CNTNAP3: variants seen among roughly 807,000 people sequenced by gnomAD.
The protein encoded by CNTNAP3 is contactin associated protein family member 3, also known as contactin-associated protein-like 3.
A neutral mutation model predicts 92.1 loss-of-function variants in CNTNAP3; 36 were observed. The ratio of observed to expected loss-of-function variants is 0.39; its 90% CI spans 0.30 to 0.52. The LOEUF is 0.52. Among genes scored for constraint, CNTNAP3 ranks in the 20% least tolerant of loss-of-function variants. The pLI, the probability that CNTNAP3 is intolerant of heterozygous loss-of-function variation, is 0.76. For synonymous variants in CNTNAP3, 232 were observed against 422.3 expected, an observed-to-expected ratio of 0.55 and a Z score of 5.53; for missense variants, 534 against 1,069.6, an observed-to-expected ratio of 0.50 and a Z score of 6.98.
chr9:39,076,923 C>T (rs899535891), intron 23 of CNTNAP3, among the ~76,000 whole-genome samples: 26 of 152,404 alleles, frequency 1.7e-4, no homozygotes, highest in African/African-American at 6.3e-4. Context: ...CGCCACTGCA[C>T]TCCAGCCTTT....
At chr9:39,144,406 T>G in intron 10 of CNTNAP3, 60 bp from the exon 11 acceptor site, 1 of 1,510,606 alleles carries the variant, frequency 6.6e-7, no homozygotes, top group South Asian at 1.3e-5. Flanking sequence ...AATAAGTGTC[T>G]TACCAAAAAC....
chr9:39,127,469 A>T (rs1314066713), intron 13 of CNTNAP3, among the ~76,000 whole-genome samples: 1 of 152,152 alleles, frequency 6.6e-6, no homozygotes, highest in African/African-American at 2.4e-5. Flanking sequence ...TAATAGAGAA[A>T]ATCATGAATC....
intron 15 of CNTNAP3, among the ~76,000 whole-genome samples, chr9:39,106,234 A>T (rs1362022546): frequency 6.6e-6 from 1 of 152,186 alleles, no homozygotes; most frequent in African/African-American, 2.4e-5. Context: ...AAGGAAGAGG[A>T]ATCTACAAGT....
At chr9:39,120,635 A>T (rs1055449833) in intron 13 of CNTNAP3, among the ~76,000 whole-genome samples, 7 of 152,176 alleles carry the variant, frequency 4.6e-5, no homozygotes, top group South Asian at 2.1e-4. Flanking sequence ...GTGCCACTGC[A>T]CTCCAACCTG....
chr9:39,120,874 G>C (rs1157306653), intron 13 of CNTNAP3, among the ~76,000 whole-genome samples: 1 of 152,082 alleles, frequency 6.6e-6, no homozygotes, highest in Non-Finnish European at 1.5e-5. Flanking sequence ...ATCAATTTTT[G>C]AAATGACATA....
chr9:39,152,534 ATTAAG>A lies in CNTNAP3; in HGVS notation c.1478-2562_1478-2558del, dbSNP rs4062758. Among the ~76,000 whole-genome samples, 70 of 146,802 alleles carry A rather than the reference ATTAAG, an allele frequency of 4.8e-4. 4 individuals carry two copies. Among genetic ancestry groups the A allele is most frequent in the African/African-American group, 1.3e-3 (51 of 38,932 alleles). On this transcript the variant is annotated intron_variant, in intron 9 of 23. Coordinates refer to ENST00000297668, the MANE Select transcript of CNTNAP3 (RefSeq NM_033655.5). Reference sequence around the variant, plus strand: ...TCACTAATCATTAAGAAATAAACACATTAAGTTAAGAATTAAGAGGATTATTAATT... The same window carrying A: ...TCACTAATCATTAAGAAATAAACACATTAAGAATTAAGAGGATTATTAATT...
chr9:39,170,317 G>A (rs1822233635), intron 8 of CNTNAP3, among the ~76,000 whole-genome samples: 1 of 54,040 alleles, frequency 1.9e-5, no homozygotes. Flanking sequence ...AGTCACGTGT[G>A]CCTCTTACAG....
intron 3 of CNTNAP3, among the ~76,000 whole-genome samples, chr9:39,217,358 G>GCATATATA (rs1180122382): frequency 7.1e-4 from 3 of 4,242 alleles, no homozygotes; most frequent in African/African-American, 1.0e-3. Flanking sequence ...ATTTACATGA[G>GCATATATA]TATATATATA....
At chr9:39,133,471 T>A (rs1251973873) in intron 12 of CNTNAP3, among the ~76,000 whole-genome samples, 1 of 151,380 alleles carries the variant, frequency 6.6e-6, no homozygotes, top group Non-Finnish European at 1.5e-5. Context: ...TTTATCTTTT[T>A]AAACTCATCT....
chr9:39,088,185 C>T (rs1826107027), intron 19 of CNTNAP3, among the ~76,000 whole-genome samples: 1 of 151,876 alleles, frequency 6.6e-6, no homozygotes, highest in Admixed American at 6.6e-5. Flanking sequence ...AGAAATATAA[C>T]TGCATATCAA....
chr9:39,161,843 C>CAA (rs540267825), intron 9 of CNTNAP3, among the ~76,000 whole-genome samples: 99 of 38,324 alleles, frequency 2.6e-3, no homozygotes, highest in African/African-American at 0.012. Context: ...TCTAAAGTCT[C>CAA]AAAAAAAAAA....
chr9:39,162,897 G>A (rs1334279575), intron 9 of CNTNAP3, among the ~76,000 whole-genome samples: 7 of 135,800 alleles, frequency 5.2e-5, no homozygotes, highest in African/African-American at 1.7e-4. Flanking sequence ...GGAATAATCT[G>A]TACCCCAAGC....
rs151315592 is a variant in CNTNAP3 at position 39,140,639 on chromosome 9, C to G, written c.1757-1G>C. On this transcript the variant is annotated splice_acceptor_variant, in intron 11 of 23. Coordinates refer to ENST00000297668, the MANE Select transcript of CNTNAP3 (RefSeq NM_033655.5). LOFTEE classifies it high-confidence loss of function. Reference sequence around the variant, plus strand: ...GCTTCACAAGACTGCTCGTAGAGAGCTGTAGGAGAACACCAGCCATAAGAA... The same window carrying G: ...GCTTCACAAGACTGCTCGTAGAGAGGTGTAGGAGAACACCAGCCATAAGAA... 67 of 1,596,976 alleles carry G rather than the reference C, an allele frequency of 4.2e-5. No homozygotes were observed. The highest frequency in any genetic ancestry group is 5.3e-5 in the Non-Finnish European group (62 of 1,174,674).
intron 4 of CNTNAP3, among the ~76,000 whole-genome samples, chr9:39,179,286 T>TACACACACACAC (rs4057871): frequency 0.019 from 1,494 of 80,698 alleles, 72 homozygotes; most frequent in East Asian, 0.044. Context: ...TCTCTCTCTC[T>TACACACACACAC]ACACACACAC....
At chr9:39,135,813 CT>C (rs1821416050) in intron 12 of CNTNAP3, among the ~76,000 whole-genome samples, 1 of 151,952 alleles carries the variant, frequency 6.6e-6, no homozygotes, top group African/African-American at 2.4e-5. Flanking sequence ...AACTACTGTA[CT>C]GAGAGTAAAA....
rs1339023545 is a variant in CNTNAP3, at chr9:39,097,943, T to C, written c.2995+1968A>G. ...GAGAGAGGGTTTACAGAGCTCCTTA[T>C]GTGGCCAGCCTGGAAATGCCAGAGT... On this transcript the variant is annotated intron_variant, in intron 18 of 23. Coordinates refer to ENST00000297668, the MANE Select transcript of CNTNAP3 (RefSeq NM_033655.5). 6.0e-5 allele frequency among the ~76,000 whole-genome samples: 9 copies of C among 150,940 alleles called. No homozygotes were observed. The East Asian group carries it at 1.4e-3, about 23-fold the overall frequency.
chr9:39,075,005 T>G (rs1348158155), intron 23 of CNTNAP3, among the ~76,000 whole-genome samples: 2 of 152,332 alleles, frequency 1.3e-5, no homozygotes, highest in African/African-American at 4.8e-5. Flanking sequence ...CCTGACCTCA[T>G]GATCCGTCCG....
At chr9:39,179,284 T>TACACACACA (rs1324700834) in intron 4 of CNTNAP3, among the ~76,000 whole-genome samples, 2 of 45,320 alleles carry the variant, frequency 4.4e-5, no homozygotes, top group East Asian at 8.3e-4. Flanking sequence ...TCTCTCTCTC[T>TACACACACA]CTACACACAC....
intron 3 of CNTNAP3, among the ~76,000 whole-genome samples, chr9:39,217,358 G>GTA (rs58203008): frequency 0.062 from 263 of 4,234 alleles, 33 homozygotes; most frequent in South Asian, 0.095. Context: ...ATTTACATGA[G>GTA]TATATATATA....
Sources: allele counts gnomAD v4.1 joint callset (sites outside exome capture counted in the v4.1 genomes callset), GRCh38; gene constraint gnomAD v4.1.1; transcripts MANE v1.5; gene names NCBI Gene and HGNC (gene_info 2026-07-23, HGNC 2026-07-21).